Variants in CAPN5 observed in about 807,000 individuals in gnomAD.
CAPN5 encodes the protein calpain 5, also known as calpain-5.
A neutral mutation model predicts 73.0 loss-of-function variants in CAPN5; 54 were observed. The observed-to-expected ratio is 0.74, with a 90% CI of 0.59 to 0.93. The LOEUF (loss-of-function observed/expected upper bound fraction) is 0.93. Among genes scored for constraint, CAPN5 ranks in the 40% least tolerant of loss-of-function variants. The probability of loss-of-function intolerance (pLI) is 0.00; values close to 1 mark genes in which losing one functional copy is unlikely to be tolerated. For missense variants in CAPN5, 785 were observed against 882.9 expected (o/e 0.89, Z 1.41); for synonymous variants, 335 against 356.9 (o/e 0.94, Z 0.69).
chr11:77,112,048 G>A (rs1189968334), intron 3 of CAPN5, among the ~76,000 whole-genome samples: 3 of 152,138 alleles, frequency 2.0e-5, no homozygotes, highest in African/African-American at 4.8e-5. Context: ...TATGTGGGGC[G>A]AGAGTAGATG....
In CAPN5 at chr11:77,121,276, A is replaced by C. The variant is rs1158935233; in HGVS notation, c.1487+367A>C. Among the ~76,000 whole-genome samples, 3 of 152,228 alleles carry C rather than the reference A, an allele frequency of 2.0e-5. No homozygotes were observed. The South Asian group carries it at 6.2e-4, about 32-fold the overall frequency. On this transcript the variant is annotated intron_variant, in intron 10 of 12. Transcript: ENST00000648180. ...GCCAGCGGTGGAGATGGGCTGGGCCACCCAGCCTGCCTGGTTCCAGGGTTG... is the reference window on the plus strand; with the variant it reads ...GCCAGCGGTGGAGATGGGCTGGGCCCCCCAGCCTGCCTGGTTCCAGGGTTG...
At chr11:77,122,531 G>GCCCCCCCCCCCCCCCCCCCCCCCACA in intron 11 of CAPN5, 45 bp from the exon 12 acceptor site, 5 of 1,228,390 alleles carry the variant, frequency 4.1e-6, no homozygotes, top group East Asian at 5.6e-5. Flanking sequence ...CCCTGCCACA[G>GCCCCCCCCCCCCCCCCCCCCCCCACA]CCCCCACCCC....
At chr11:77,088,981 C>T (rs1283335294) in intron 2 of CAPN5, among the ~76,000 whole-genome samples, 6 of 152,144 alleles carry the variant, frequency 3.9e-5, no homozygotes, top group African/African-American at 1.4e-4. Flanking sequence ...TCAGGGGTAG[C>T]CCCTGTACAG....
chr11:77,082,857 G>A (rs747676052), intron 1 of CAPN5, among the ~76,000 whole-genome samples: 1 of 152,202 alleles, frequency 6.6e-6, no homozygotes, highest in Non-Finnish European at 1.5e-5. Context: ...GGACCCTCTA[G>A]GCTCAGAAAC....
chr11:77,111,441 T>C (rs1473295773), intron 3 of CAPN5, among the ~76,000 whole-genome samples: 2 of 152,182 alleles, frequency 1.3e-5, no homozygotes, highest in Non-Finnish European at 2.9e-5. Flanking sequence ...GCCACAGTAT[T>C]GTCATCTGTG....
At chr11:77,090,738 G>A (rs576938402) in intron 2 of CAPN5, among the ~76,000 whole-genome samples, 1 of 152,282 alleles carries the variant, frequency 6.6e-6, no homozygotes, top group African/African-American at 2.4e-5. Flanking sequence ...GGGGTCCTCC[G>A]TATATGGAAG....
intron 3 of CAPN5, among the ~76,000 whole-genome samples, chr11:77,101,909 T>C (rs571258840): frequency 2.0e-5 from 3 of 152,022 alleles, no homozygotes; most frequent in Non-Finnish European, 4.4e-5. Context: ...TTAATTCAGG[T>C]GGAGTAAGTG....
At chr11:77,086,542 A>C (rs781949388) in intron 2 of CAPN5, among the ~76,000 whole-genome samples, 1 of 152,224 alleles carries the variant, frequency 6.6e-6, no homozygotes, top group Non-Finnish European at 1.5e-5. Flanking sequence ...TGGAAGGCCC[A>C]GGAGCCTCCT....
Position 77,116,281 on chromosome 11 carries a change from G to A in CAPN5, c.949G>A (p.Val317Met), listed in dbSNP as rs782495056. 122 of 1,613,350 alleles carry A rather than the reference G, an allele frequency of 7.6e-5. No homozygotes were observed. The highest frequency in any genetic ancestry group is 9.5e-5 in the Non-Finnish European group (112 of 1,179,736). ...TGAGCGGGAGAAGATGGGTGTGACC[G>A]TGCAGGACGACGGTGAGTTCTGGTG... ...KSEREKMGVT[V>M]QDDGEFWMTF... Residue 317 changes from valine (V) to methionine (M), a missense_variant, in exon 7 of 13, where the codon GTG (valine) becomes ATG (methionine). Val to Met is a conservative substitution (Grantham distance 21, BLOSUM62 1). Coordinates refer to ENST00000648180, the MANE Select transcript of CAPN5 (RefSeq NM_004055.5).
chr11:77,118,290 C>G lies in CAPN5; in HGVS notation c.1105C>G (p.Pro369Ala). 6.2e-7 allele frequency: 1 copy of G among 1,613,626 alleles called. No individual in the cohort carries two copies. Among genetic ancestry groups the G allele is most frequent in the Non-Finnish European group, 8.5e-7 (1 of 1,179,826 alleles). Residue 369 changes from proline (P) to alanine (A), a missense_variant, in exon 8 of 13, where the codon CCG becomes GCG. Coordinates refer to ENST00000648180, the MANE Select transcript of CAPN5 (RefSeq NM_004055.5). ...LHGAWTLHED[P>A]RQNRGGGCIN... ...TGGCGCCTGGACGCTGCATGAGGAC[C>G]CGCGACAGAACCGCGGTGGCGGCTG...
rs991072148 is a variant in CAPN5 at position 77,104,158 on chromosome 11, C to T, written c.298-8431C>T. On this transcript the variant is annotated intron_variant, in intron 3 of 12. Transcript: ENST00000648180. Reference sequence around the variant, plus strand: ...GATGGCTCTTAACAGGGGCCTGGTCCGGATGACCTTGGCCTGGGGGCTTGC... The same window carrying T: ...GATGGCTCTTAACAGGGGCCTGGTCTGGATGACCTTGGCCTGGGGGCTTGC... 4.6e-5 allele frequency among the ~76,000 whole-genome samples: 7 copies of T among 152,292 alleles called. 1 individual carries two copies. Among genetic ancestry groups the T allele is most frequent in the Non-Finnish European group, 1.0e-4 (7 of 68,026 alleles).
intron 6 of CAPN5, among the ~76,000 whole-genome samples, chr11:77,115,882 G>C (rs1555041670): frequency 6.6e-6 from 1 of 152,130 alleles, no homozygotes; most frequent in Non-Finnish European, 1.5e-5. Context: ...ACTCCTCTGT[G>C]CTTGGCTTAT....
In CAPN5 at chr11:77,103,601, G is replaced by C. The variant is rs548231036; in HGVS notation, c.298-8988G>C. On this transcript the variant is annotated intron_variant, in intron 3 of 12. Transcript: ENST00000648180. The stretch of plus-strand genomic sequence containing the variant: ...GACGATAGAGGCCTACTAGGGGCCA[G>C]TGTGCATGGACAGTGAGGCCAGGGC... Among the ~76,000 whole-genome samples the C allele has an allele frequency of 4.6e-5, 7 of 152,344 alleles. No homozygotes were observed. The South Asian group carries it at 8.3e-4, about 18-fold the overall frequency.
intron 3 of CAPN5, among the ~76,000 whole-genome samples, chr11:77,098,085 T>C (rs1555037865): frequency 1.2e-5 from 1 of 86,600 alleles, no homozygotes; most frequent in Non-Finnish European, 2.2e-5. Flanking sequence ...ACGGGGCGGC[T>C]GGCCGGGCGG....
chr11:77,089,661 T>C (rs546525133), intron 2 of CAPN5, among the ~76,000 whole-genome samples: 7 of 152,272 alleles, frequency 4.6e-5, no homozygotes, highest in South Asian at 2.1e-4. Context: ...CCATAAAACC[T>C]AGCCCACCTG....
intron 3 of CAPN5, among the ~76,000 whole-genome samples, chr11:77,097,476 T>TTTTTTC (rs1950223340): frequency 7.0e-6 from 1 of 142,840 alleles, no homozygotes; most frequent in Non-Finnish European, 1.5e-5. Flanking sequence ...TTTTTTTTTT[T>TTTTTTC]TTTTTTTTTT....
chr11:77,110,210 C>A (rs1555040564), intron 3 of CAPN5, among the ~76,000 whole-genome samples: 1 of 151,974 alleles, frequency 6.6e-6, no homozygotes, highest in Admixed American at 6.5e-5. Context: ...GAGTCAGCCT[C>A]CTGAATGGCT....
chr11:77,120,990 ATGCT>A, intron 10 of CAPN5, 81 bp downstream of exon 10: 8 of 1,348,870 alleles, frequency 5.9e-6, no homozygotes, highest in Non-Finnish European at 6.2e-6. Context: ...AGCCTCAGAG[ATGCT>A]CAGTGTCTCT....
intron 1 of CAPN5, among the ~76,000 whole-genome samples, chr11:77,079,114 G>A (rs1424077438): frequency 1.3e-5 from 2 of 151,958 alleles, no homozygotes; most frequent in African/African-American, 4.8e-5. Context: ...TGATCATGGT[G>A]AATGATCCTT....
Sources: gnomAD v4.1 joint callset for allele counts (sites outside exome capture counted in the v4.1 genomes callset) on GRCh38, gnomAD v4.1.1 for gene constraint, MANE v1.5 for transcripts, NCBI Gene and HGNC (gene_info 2026-07-23, HGNC 2026-07-21) for gene names.